PKHD1L1: variants seen among roughly 807,000 people sequenced by gnomAD.
PKHD1L1 encodes the protein PKHD1 like 1.
PKHD1L1 carries 434 observed loss-of-function variants against 462.9 expected under a neutral mutation model. The observed-to-expected ratio is 0.94, with a 90% CI of 0.87 to 1.02. PKHD1L1 has a LOEUF of 1.02. Among genes scored for constraint, PKHD1L1 ranks in the 50% least tolerant of loss-of-function variants. PKHD1L1 has a pLI of 0.00. For missense variants in PKHD1L1, 5,202 were observed against 5,096.1 expected, an observed-to-expected ratio of 1.02 and a Z score of -0.63; for synonymous variants, 1,781 against 1,750.0, an observed-to-expected ratio of 1.02 and a Z score of -0.44.
chr8:109,444,546 G>C (rs1331454062), intron 37 of PKHD1L1, 115 bp from the exon 38 acceptor site: 2 of 957,890 alleles, frequency 2.1e-6, no homozygotes, highest in Non-Finnish European at 3.1e-6. Flanking sequence ...ATGAATAAAA[G>C]ATATTTATTT....
intron 17 of PKHD1L1, 108 bp from the exon 18 acceptor site, chr8:109,407,941 A>C: frequency 1.4e-6 from 1 of 700,430 alleles, no homozygotes; most frequent in Non-Finnish European, 1.9e-6. Context: ...AAATGAAACC[A>C]ATTTGGCTAC....
In PKHD1L1 at chr8:109,476,661, T is replaced by A. The variant is rs1818002814; in HGVS notation, c.8911T>A (p.Tyr2971Asn). 6.3e-7 allele frequency: 1 copy of A among 1,591,346 alleles called. No homozygotes were observed. Among genetic ancestry groups the A allele is most frequent in the African/African-American group, 1.3e-5 (1 of 74,334 alleles). ...TGAAGCAAACACTAGTACTCTATAT[T>A]ACTTGGGTATGTGTCATTAGGCAGA... ...HLEANTSTLY[Y>N]LVSGRNDLHQ... The change falls in exon 52 of 78, where the codon TAC (tyrosine) becomes AAC (asparagine). Residue 2971 changes from tyrosine (Y) to asparagine (N), a missense_variant. Physicochemically the swap from Tyr to Asn is moderately radical, Grantham distance 143. Around this residue, in one of 3 missense-constraint regions of PKHD1L1, gnomAD observed 4,497 missense variants for 4,336.8 expected, o/e 1.04. Transcript: ENST00000378402.
Position 109,425,223 on chromosome 8 carries a change from A to G in PKHD1L1, c.2836A>G (p.Ile946Val), listed in dbSNP as rs1233529219. The change falls in exon 24 of 78, where the codon ATT becomes GTT. Residue 946 changes from isoleucine to valine, a missense_variant. Around this residue, in one of 3 missense-constraint regions of PKHD1L1, gnomAD observed 4,497 missense variants for 4,336.8 expected, o/e 1.04. Transcript: ENST00000378402. ...CTTTGACATTCAAGCTTATGGACAT[A>G]TTCTTAAAGGTATATGAAAAAAATT... is the stretch of plus-strand genomic sequence containing the variant. ...GSFDIQAYGH[I>V]LKGLPAAVSA... 2 of 1,597,790 alleles carry G rather than the reference A, an allele frequency of 1.3e-6. No homozygotes were observed. Among genetic ancestry groups the G allele is most frequent in the Non-Finnish European group, 1.7e-6 (2 of 1,174,580 alleles).
chr8:109,466,655 A>G lies in PKHD1L1; in HGVS notation c.8491A>G (p.Ile2831Val). The G allele has an allele frequency of 6.2e-7, 1 of 1,610,912 alleles. No homozygotes were observed. Among genetic ancestry groups the G allele is most frequent in the African/African-American group, 1.3e-5 (1 of 74,976 alleles). The change falls in exon 50 of 78, where the codon ATT (isoleucine) becomes GTT (valine). Residue 2831 changes from isoleucine to valine, a missense_variant. Physicochemically the swap from Ile to Val is conservative, Grantham distance 29 (BLOSUM62 3). Transcript: ENST00000378402. ...TTGTACTCAGGAAGCTGAGTGGAGC[A>G]TTGGGTTCCCTGGATCAGTCTGTGA... Reference protein sequence around the residue: ...SHCTQEAEWSIGFPGSVCDAS... With the variant: ...SHCTQEAEWSVGFPGSVCDAS...
At chr8:109,462,138 A>ATTC (rs1817171506) in intron 48 of PKHD1L1, among the ~76,000 whole-genome samples, 1 of 152,092 alleles carries the variant, frequency 6.6e-6, no homozygotes, top group Non-Finnish European at 1.5e-5. Flanking sequence ...TACCCACAAA[A>ATTC]TGCTGTAACC....
chr8:109,421,659 C>T (rs2130649432), intron 23 of PKHD1L1, among the ~76,000 whole-genome samples: 1 of 152,286 alleles, frequency 6.6e-6, no homozygotes, highest in South Asian at 2.1e-4. Context: ...TGGCGGGGGC[C>T]TGTAGTCCCA....
In PKHD1L1 at chr8:109,385,529, G is replaced by T; in HGVS notation, c.476-8G>T. 1 of 1,560,858 alleles carries T rather than the reference G, an allele frequency of 6.4e-7. No individual in the cohort carries two copies. The highest frequency in any genetic ancestry group is 1.4e-5 in the African/African-American group (1 of 72,788). On this transcript the variant is annotated splice_region_variant and splice_polypyrimidine_tract_variant and intron_variant, in intron 5 of 77. Coordinates refer to ENST00000378402, the MANE Select transcript of PKHD1L1 (RefSeq NM_177531.6). ...CAGAATCTTTTTGGGGTTTTTGTTT[G>T]TTTTCAGGTACACTAATAACAATCC...
At chr8:109,387,173 C>T (rs770163607) in intron 6 of PKHD1L1, among the ~76,000 whole-genome samples, 1 of 152,108 alleles carries the variant, frequency 6.6e-6, no homozygotes, top group Admixed American at 6.5e-5. Flanking sequence ...ATTCAGGAGA[C>T]CTGCTTCTCA....
chr8:109,463,290 G>A (rs1179010420), intron 48 of PKHD1L1, among the ~76,000 whole-genome samples: 2 of 152,116 alleles, frequency 1.3e-5, no homozygotes, highest in African/African-American at 4.8e-5. Context: ...AAGGAAGGGA[G>A]GGAGGAAGGG....
At chr8:109,512,042 G>C (rs1820016728) in intron 71 of PKHD1L1, among the ~76,000 whole-genome samples, 1 of 151,902 alleles carries the variant, frequency 6.6e-6, no homozygotes, top group Admixed American at 6.6e-5. Context: ...TGATGGGGTT[G>C]TTTGTTTTTT....
intron 2 of PKHD1L1, among the ~76,000 whole-genome samples, chr8:109,369,177 T>C (rs1811371582): frequency 6.7e-6 from 1 of 149,298 alleles, no homozygotes; most frequent in Non-Finnish European, 1.5e-5. Context: ...GGTTTCACCA[T>C]CTTGGCCAGG....
intron 24 of PKHD1L1, among the ~76,000 whole-genome samples, chr8:109,425,549 T>C (rs1814701563): frequency 6.6e-6 from 1 of 152,038 alleles, no homozygotes; most frequent in African/African-American, 2.4e-5. Context: ...AAAATAATAT[T>C]TTTAAAAGTC....
intron 4 of PKHD1L1, 137 bp downstream of exon 4, chr8:109,382,708 C>T: frequency 1.9e-6 from 1 of 530,226 alleles, no homozygotes; most frequent in South Asian, 4.5e-5. Context: ...GGATAATTTC[C>T]CTCAATTTAA....
intron 19 of PKHD1L1, among the ~76,000 whole-genome samples, chr8:109,410,725 TC>T (rs1415989987): frequency 1.9e-5 from 2 of 107,364 alleles, no homozygotes; most frequent in African/African-American, 8.1e-5. Context: ...CTTTTCTTTT[TC>T]TTTTTTTTTT....
In PKHD1L1 at chr8:109,412,153, A is replaced by G. The variant is rs934507408; in HGVS notation, c.2086-112A>G. On this transcript the variant is annotated intron_variant, in intron 19 of 77. Transcript: ENST00000378402. ...GAAGAAAACATCTAAAGTTAAAGTA[A>G]TCAGGGAAACAATGGGATCTGGGTT... The G allele has an allele frequency of 1.6e-5, 16 of 994,600 alleles. No individual in the cohort carries two copies. In the African/African-American group the frequency reaches 2.4e-4, roughly 15 times the overall value. 61.6% of individuals were successfully genotyped at this position (994,600 alleles called of 1,614,324 possible).
chr8:109,418,237 T>A (rs941129878), intron 21 of PKHD1L1, among the ~76,000 whole-genome samples: 1 of 149,820 alleles, frequency 6.7e-6, no homozygotes, highest in Non-Finnish European at 1.5e-5. Context: ...CCTAAGTACT[T>A]TTTTTTTTAA....
At chr8:109,415,742 A>T (rs142269698) in intron 21 of PKHD1L1, among the ~76,000 whole-genome samples, 1,587 of 151,922 alleles carry the variant, frequency 0.01, 17 homozygotes, top group Non-Finnish European at 0.016. Context: ...CCAGGTACTC[A>T]GGAGGCTGAA....
chr8:109,454,298 T>G (rs1008402671), intron 44 of PKHD1L1, 52 bp downstream of exon 44: 67 of 1,275,562 alleles, frequency 5.3e-5, no homozygotes, highest in Non-Finnish European at 7.3e-5. Flanking sequence ...TCCATTCATT[T>G]TTTTAAATAC....
chr8:109,486,815 T>C lies in PKHD1L1; in HGVS notation c.9874T>C (p.Phe3292Leu). 6.2e-7 allele frequency: 1 copy of C among 1,611,462 alleles called. No homozygotes were observed. The highest frequency in any genetic ancestry group is 8.5e-7 in the Non-Finnish European group (1 of 1,178,288). ...CTCATTCACTGAAAATATGATGACA[T>C]TTAAAGGTTGGTATCAATTCAGTTT... ...VGSFTENMMTFKGNARISNVE... is the reference protein window; with the variant it reads ...VGSFTENMMTLKGNARISNVE... The change falls in exon 59 of 78, where the codon TTT becomes CTT. Residue 3292 changes from phenylalanine (F) to leucine (L), a missense_variant. By Grantham distance (22) the Phe-to-Leu change is conservative. Coordinates refer to ENST00000378402, the MANE Select transcript of PKHD1L1 (RefSeq NM_177531.6).
Sources: gnomAD v4.1 joint callset for allele counts (sites outside exome capture counted in the v4.1 genomes callset) on GRCh38, gnomAD v4.1.1 for gene constraint, gnomAD v4.1.1 regional missense constraint, MANE v1.5 for transcripts, NCBI Gene and HGNC (gene_info 2026-07-23, HGNC 2026-07-21) for gene names.